KPNA4: variants seen among roughly 807,000 people sequenced by gnomAD.
The protein encoded by KPNA4 is importin subunit alpha-3.
A neutral mutation model predicts 71.3 loss-of-function variants in KPNA4; 13 were observed. The observed-to-expected ratio is 0.18, with a 90% CI of 0.12 to 0.29. KPNA4 has a LOEUF of 0.29. Among genes scored for constraint, KPNA4 ranks in the 10% least tolerant of loss-of-function variants. The pLI, the probability that KPNA4 is intolerant of heterozygous loss-of-function variation, is 1.00. For missense variants in KPNA4, 334 were observed against 603.2 expected, an observed-to-expected ratio of 0.55 and a Z score of 4.67; for synonymous variants, 189 against 195.2, an observed-to-expected ratio of 0.97 and a Z score of 0.26.
In KPNA4 at chr3:160,498,422, T is replaced by TC. The variant is rs1219257483; in HGVS notation, c.*3681dup. 6.6e-6 allele frequency: 1 copy of TC among 152,164 alleles called. No homozygotes were observed. Among genetic ancestry groups the TC allele is most frequent in the African/African-American group, 2.4e-5 (1 of 41,428 alleles). The allele number at this position is 152,164 out of a possible 1,614,324, so 9.4% of individuals were successfully genotyped here. A position where few individuals can be genotyped will look rare whatever the true frequency, so the allele number is the denominator to read the frequency against. On this transcript the variant is annotated 3_prime_UTR_variant, in exon 17 of 17. Coordinates refer to ENST00000334256, the MANE Select transcript of KPNA4 (RefSeq NM_002268.5). ...GGTATACATACTCCATATAACCCCC[T>TC]CCCTTGACTGTGAACAGGATCTTTG... is the stretch of plus-strand genomic sequence containing the variant.
intron 1 of KPNA4, among the ~76,000 whole-genome samples, chr3:160,551,944 G>T (rs561478525): frequency 6.9e-6 from 1 of 144,950 alleles, no homozygotes; most frequent in Admixed American, 6.8e-5. Flanking sequence ...ACAACTGGGG[G>T]GGGGGGGGTG....
At chr3:160,504,736 C>CA (rs1463299924) in intron 16 of KPNA4, among the ~76,000 whole-genome samples, 1 of 151,980 alleles carries the variant, frequency 6.6e-6, no homozygotes, top group Non-Finnish European at 1.5e-5. Flanking sequence ...CTCGTTTGGT[C>CA]AAAAAAGTCC....
In KPNA4 at chr3:160,500,997, A is replaced by C. The variant is rs957072363; in HGVS notation, c.*1107T>G. 2 of 152,630 alleles carry C rather than the reference A, an allele frequency of 1.3e-5. No homozygotes were observed. Among genetic ancestry groups the C allele is most frequent in the Non-Finnish European group, 2.9e-5 (2 of 68,034 alleles). 9.5% of individuals were successfully genotyped at this position (152,630 alleles called of 1,614,324 possible). On this transcript the variant is annotated 3_prime_UTR_variant, in exon 17 of 17. Transcript: ENST00000334256. ...TATGCTGTAGATTTACCTCATGCAA[A>C]GATCTTTATGTTATCTCTGAAAATG...
At chr3:160,526,876 A>G (rs1304242936) in intron 8 of KPNA4, among the ~76,000 whole-genome samples, 1 of 152,252 alleles carries the variant, frequency 6.6e-6, no homozygotes, top group Non-Finnish European at 1.5e-5. Context: ...AAAGATCAAG[A>G]TGCTGTATAA....
At chr3:160,545,858 G>C (rs1577060581) in intron 1 of KPNA4, among the ~76,000 whole-genome samples, 1 of 152,174 alleles carries the variant, frequency 6.6e-6, no homozygotes, top group East Asian at 1.9e-4. Flanking sequence ...TAACAGACTG[G>C]ATAGAACTGT....
chr3:160,498,392 T>A lies in KPNA4; in HGVS notation c.*3712A>T, dbSNP rs1361555642. ...GAACTCTTAAGATGGCTCCCAAGAT[T>A]CCCTGGTATACATACTCCATATAAC... is the stretch of plus-strand genomic sequence containing the variant. On this transcript the variant is annotated 3_prime_UTR_variant, in exon 17 of 17. Coordinates refer to ENST00000334256, the MANE Select transcript of KPNA4 (RefSeq NM_002268.5). The A allele has an allele frequency of 6.6e-6, 1 of 152,200 alleles. No homozygotes were observed. The highest frequency in any genetic ancestry group is 1.5e-5 in the Non-Finnish European group (1 of 68,046). 9.4% of individuals were successfully genotyped at this position (152,200 alleles called of 1,614,324 possible). A position where few individuals can be genotyped will look rare whatever the true frequency, so the allele number is the denominator to read the frequency against.
chr3:160,545,295 T>C (rs1364804366), intron 1 of KPNA4, among the ~76,000 whole-genome samples: 1 of 152,244 alleles, frequency 6.6e-6, no homozygotes, highest in Non-Finnish European at 1.5e-5. Flanking sequence ...TCTAGTTATG[T>C]TCACATACTA....
chr3:160,502,638 T>A (rs1720905917), intron 16 of KPNA4, among the ~76,000 whole-genome samples: 1 of 152,120 alleles, frequency 6.6e-6, no homozygotes, highest in African/African-American at 2.4e-5. Context: ...CCCAAAGTAT[T>A]GAGATTACAG....
chr3:160,507,669 G>A (rs1243243964), intron 15 of KPNA4, among the ~76,000 whole-genome samples: 1 of 152,134 alleles, frequency 6.6e-6, no homozygotes, highest in Middle Eastern at 3.2e-3. Context: ...ATCTCTGCCT[G>A]GAACACCTTT....
chr3:160,522,520 C>T (rs989706250), intron 10 of KPNA4, among the ~76,000 whole-genome samples: 4 of 151,918 alleles, frequency 2.6e-5, no homozygotes, highest in South Asian at 2.1e-4. Flanking sequence ...TGCAGCAGCG[C>T]GATCTCGGTT....
intron 15 of KPNA4, among the ~76,000 whole-genome samples, chr3:160,506,918 A>G (rs940825840): frequency 6.6e-6 from 1 of 152,118 alleles, no homozygotes. Context: ...GCCGCTCACC[A>G]TTCCCATTTA....
intron 1 of KPNA4, among the ~76,000 whole-genome samples, chr3:160,539,759 G>A (rs554504474): frequency 7.9e-5 from 12 of 152,260 alleles, no homozygotes; most frequent in African/African-American, 2.6e-4. Context: ...ACTTCTGAGG[G>A]ACTGGGTATT....
At position 160,502,181 on chromosome 3, in the gene KPNA4, C is replaced by A; in HGVS notation, c.1489G>T (p.Val497Phe). The change falls in exon 17 of 17, where the codon GTT becomes TTT. Residue 497 changes from valine to phenylalanine, a missense_variant. Transcript: ENST00000334256. ...GTTCCGCCTTGAATTGCCTCTGGAA[C>A]AAGGCTAGGGTCTTCATCAATCTAG... ...SDDIDEDPSL[V>F]PEAIQGGTFG... The A allele has an allele frequency of 6.3e-7, 1 of 1,590,654 alleles. No homozygotes were observed. Among genetic ancestry groups the A allele is most frequent in the South Asian group, 1.1e-5 (1 of 88,452 alleles).
In KPNA4 at chr3:160,531,000, A is replaced by C. The variant is rs146005451; in HGVS notation, c.384-60T>G. 3,082 of 1,102,174 alleles carry C rather than the reference A, an allele frequency of 2.8e-3. 11 individuals are homozygous for C. The highest frequency in any genetic ancestry group is 3.3e-3 in the Non-Finnish European group (2,432 of 732,526). 68.3% of individuals were successfully genotyped at this position (1,102,174 alleles called of 1,614,324 possible). On this transcript the variant is annotated intron_variant, in intron 6 of 16. Transcript: ENST00000334256. ...GATTTTTACATTGGGCCAAATATCTAACCATTCTTCCTTCTACCATTTAAA... is the reference window on the plus strand; with the variant it reads ...GATTTTTACATTGGGCCAAATATCTCACCATTCTTCCTTCTACCATTTAAA...
Position 160,537,556 on chromosome 3 carries a change from C to T in KPNA4, c.70-716G>A, listed in dbSNP as rs550260530. 4.6e-5 allele frequency among the ~76,000 whole-genome samples: 7 copies of T among 150,846 alleles called. No homozygotes were observed. The East Asian group carries it at 1.4e-3, about 29-fold the overall frequency. On this transcript the variant is annotated intron_variant, in intron 1 of 16. Coordinates refer to ENST00000334256, the MANE Select transcript of KPNA4 (RefSeq NM_002268.5). ...CAAATGTTCAGAAACAATATAAGTT[C>T]AATCTGTTTTTACATACAGGTTCAC... is the stretch of plus-strand genomic sequence containing the variant.
chr3:160,553,086 G>A (rs1368835733), intron 1 of KPNA4, among the ~76,000 whole-genome samples: 3 of 152,180 alleles, frequency 2.0e-5, no homozygotes, highest in African/African-American at 7.2e-5. Context: ...AGACAATAAT[G>A]CTTTGCCCCA....
At chr3:160,537,566 T>A (rs1055440019) in intron 1 of KPNA4, among the ~76,000 whole-genome samples, 1 of 150,890 alleles carries the variant, frequency 6.6e-6, no homozygotes, top group Non-Finnish European at 1.5e-5. Context: ...CAATCTGTTT[T>A]TACATACAGG....
chr3:160,544,576 A>T (rs1048775036), intron 1 of KPNA4, among the ~76,000 whole-genome samples: 1 of 152,202 alleles, frequency 6.6e-6, no homozygotes, highest in Admixed American at 6.5e-5. Context: ...AAAACAAAAA[A>T]CTTTGAATCC....
chr3:160,504,819 G>A, intron 16 of KPNA4, 139 bp downstream of exon 16: 1 of 366,974 alleles, frequency 2.7e-6, no homozygotes, highest in Admixed American at 4.6e-5. Flanking sequence ...TTCAAAGCAG[G>A]TGACATTACT....
Sources: gnomAD v4.1 joint callset for allele counts (sites outside exome capture counted in the v4.1 genomes callset) on GRCh38, gnomAD v4.1.1 for gene constraint, MANE v1.5 for transcripts, NCBI Gene and HGNC (gene_info 2026-07-23, HGNC 2026-07-21) for gene names.